The following KDM4B variants were observed in gnomAD, a reference collection of about 807,000 sequenced individuals.
KDM4B encodes lysine demethylase 4B.
A neutral mutation model predicts 125.2 loss-of-function variants in KDM4B; 32 were observed. The observed-to-expected ratio is 0.26, with a 90% CI of 0.19 to 0.34. The LOEUF (loss-of-function observed/expected upper bound fraction) is 0.34, where lower values mean the gene tolerates loss of function less well. KDM4B is among the 10% of genes least tolerant of loss of function. The pLI is 1.00. For missense variants in KDM4B, 1,190 were observed against 1,577.7 expected (o/e 0.75, Z 4.16); for synonymous variants, 721 against 677.9 (o/e 1.06, Z -0.99).
chr19:5,130,813 T>TCCTCACAGG (rs2039528718), intron 11 of KDM4B, among the ~76,000 whole-genome samples: 1 of 152,180 alleles, frequency 6.6e-6, no homozygotes, highest in South Asian at 2.1e-4. Flanking sequence ...ACCTGGTGGG[T>TCCTCACAGG]CCTCACAGGC....
intron 6 of KDM4B, among the ~76,000 whole-genome samples, chr19:5,070,177 C>G (rs1370535903): frequency 6.6e-6 from 1 of 152,196 alleles, no homozygotes; most frequent in Non-Finnish European, 1.5e-5. Flanking sequence ...AGGCCCTGTC[C>G]TCGTCCCCTT....
rs140825048 is a variant in KDM4B, at chr19:4,985,042, G to A, written c.-109+15812G>A. Among the ~76,000 whole-genome samples, 718 of 152,260 alleles carry A rather than the reference G, an allele frequency of 4.7e-3. 6 individuals are homozygous for A. The highest frequency in any genetic ancestry group is 0.017 in the African/African-American group (694 of 41,556). On this transcript the variant is annotated intron_variant, in intron 1 of 22. Transcript: ENST00000159111. ...ATGGTATAAAAATTAGCAATGACAG[G>A]CTGGGCACGGTGGCTCCCGCCTGTA... is the stretch of plus-strand genomic sequence containing the variant.
intron 9 of KDM4B, among the ~76,000 whole-genome samples, chr19:5,092,557 C>G (rs1046619746): frequency 1.3e-5 from 2 of 152,190 alleles, no homozygotes; most frequent in Non-Finnish European, 2.9e-5. Context: ...TGGTGTGGCT[C>G]GAGGGCCTTT....
chr19:5,059,518 G>A (rs372774780), intron 6 of KDM4B, among the ~76,000 whole-genome samples: 2 of 152,242 alleles, frequency 1.3e-5, no homozygotes, highest in Non-Finnish European at 2.9e-5. Context: ...GCCCAGGGAG[G>A]GACCCAGCAT....
At chr19:5,120,899 G>A (rs764841687) in intron 11 of KDM4B, among the ~76,000 whole-genome samples, 31 of 152,296 alleles carry the variant, frequency 2.0e-4, no homozygotes, top group Non-Finnish European at 4.0e-4. Context: ...CACATTCGCC[G>A]GAGGGTCCTA....
At chr19:5,068,453 G>A (rs2037844751) in intron 6 of KDM4B, among the ~76,000 whole-genome samples, 2 of 152,336 alleles carry the variant, frequency 1.3e-5, no homozygotes, top group African/African-American at 4.8e-5. Flanking sequence ...TCCCCTAAGC[G>A]AACGCAAGCG....
intron 1 of KDM4B, among the ~76,000 whole-genome samples, chr19:5,005,967 G>A (rs1193930689): frequency 6.6e-6 from 1 of 152,166 alleles, no homozygotes; most frequent in East Asian, 1.9e-4. Flanking sequence ...CATCCCAGTG[G>A]TCTCGTGCTG....
At position 5,081,894 on chromosome 19, in the gene KDM4B, G is replaced by A. The variant is rs2038306945; in HGVS notation, c.781-473G>A. Among the ~76,000 whole-genome samples, 1 of 152,218 alleles carries A rather than the reference G, an allele frequency of 6.6e-6. No homozygotes were observed. Among genetic ancestry groups the A allele is most frequent in the Non-Finnish European group, 1.5e-5 (1 of 68,026 alleles). ...TCAGAGCACTCTAAAGCTGCTGTCAGCACCACCCGCCCCGAAACCAGCCCC... is the reference window on the plus strand; with the variant it reads ...TCAGAGCACTCTAAAGCTGCTGTCAACACCACCCGCCCCGAAACCAGCCCC... On this transcript the variant is annotated intron_variant, in intron 8 of 22. Coordinates refer to ENST00000159111, the MANE Select transcript of KDM4B (RefSeq NM_015015.3). The surrounding 1 kb of genome is among the most constrained non-coding windows in gnomAD (Gnocchi z 4.2).
chr19:5,120,205 G>T (rs1182659329), intron 11 of KDM4B, among the ~76,000 whole-genome samples: 2 of 152,220 alleles, frequency 1.3e-5, no homozygotes, highest in Non-Finnish European at 2.9e-5. Flanking sequence ...AGGCTTGGTG[G>T]CTTGCACCTA....
At chr19:5,050,732 C>T (rs1202426530) in intron 6 of KDM4B, among the ~76,000 whole-genome samples, 1 of 152,162 alleles carries the variant, frequency 6.6e-6, no homozygotes, top group Non-Finnish European at 1.5e-5. Flanking sequence ...AACCCCGTCT[C>T]TACTAAAAAT....
chr19:5,011,197 C>T (rs908757151), intron 1 of KDM4B, among the ~76,000 whole-genome samples: 1 of 152,168 alleles, frequency 6.6e-6, no homozygotes, highest in African/African-American at 2.4e-5. Flanking sequence ...GACCACGTGT[C>T]CTGCAGGGCT....
chr19:5,112,202 G>A (rs1048814656), intron 10 of KDM4B: 19 of 218,272 alleles, frequency 8.7e-5, no homozygotes, highest in African/African-American at 1.6e-4. Context: ...GCAGTGAGCC[G>A]AGATTGTACC....
chr19:5,057,076 G>GCA (rs1205377590), intron 6 of KDM4B, among the ~76,000 whole-genome samples: 121 of 151,762 alleles, frequency 8.0e-4, no homozygotes, highest in Admixed American at 1.9e-3. Flanking sequence ...GCGCGCGCGC[G>GCA]CGTATGTTAG....
chr19:5,109,027 C>G (rs1336977246), intron 9 of KDM4B, among the ~76,000 whole-genome samples: 1 of 152,250 alleles, frequency 6.6e-6, no homozygotes, highest in Non-Finnish European at 1.5e-5. Flanking sequence ...GCCCGCAGGT[C>G]AACTCTGTCC....
At chr19:5,130,399 CAT>C (rs34128191) in intron 11 of KDM4B, among the ~76,000 whole-genome samples, 13,094 of 152,214 alleles carry the variant, frequency 0.086, 629 homozygotes, top group Admixed American at 0.13. Flanking sequence ...CCACCAAACA[CAT>C]GAGTCAACTG....
intron 3 of KDM4B, among the ~76,000 whole-genome samples, 190 bp from the exon 4 acceptor site, chr19:5,039,646 C>T (rs1425543741): frequency 6.6e-5 from 10 of 151,984 alleles, no homozygotes; most frequent in African/African-American, 2.4e-4. Flanking sequence ...GCAGGTGAGG[C>T]CCTTGTTGGC....
chr19:5,088,667 C>T (rs1017232058), intron 9 of KDM4B, among the ~76,000 whole-genome samples: 2 of 122,736 alleles, frequency 1.6e-5, no homozygotes, highest in Non-Finnish European at 1.6e-5. Context: ...CCCCCCCCTC[C>T]CCCCCCCCGC....
intron 1 of KDM4B, among the ~76,000 whole-genome samples, chr19:4,989,661 T>C (rs144141602): frequency 0.013 from 1,996 of 151,578 alleles, 26 homozygotes; most frequent in East Asian, 0.031. Flanking sequence ...TCTTCTTCTT[T>C]TTTTTTTGTG....
chr19:5,126,982 C>T (rs1259679772), intron 11 of KDM4B, among the ~76,000 whole-genome samples: 1 of 152,220 alleles, frequency 6.6e-6, no homozygotes, highest in Non-Finnish European at 1.5e-5. Flanking sequence ...GCCTGGGCCT[C>T]GGGCCTGTCT....
Sources: gnomAD v4.1 joint callset for allele counts (sites outside exome capture counted in the v4.1 genomes callset) on GRCh38, gnomAD v4.1.1 for gene constraint, Gnocchi (gnomAD v3.1) non-coding constraint, MANE v1.5 for transcripts, NCBI Gene and HGNC (gene_info 2026-07-23, HGNC 2026-07-21) for gene names.